FAM83G: variants seen among roughly 807,000 people sequenced by gnomAD.
FAM83G encodes protein FAM83G.
A neutral mutation model predicts 61.5 loss-of-function variants in FAM83G; 38 were observed. The ratio of observed to expected loss-of-function variants is 0.62; its 90% confidence interval spans 0.48 to 0.81. FAM83G has a LOEUF of 0.81. Ranked by LOEUF, FAM83G falls within the 30% of genes least tolerant of loss-of-function variation. The probability of loss-of-function intolerance (pLI) is 0.00; values close to 1 mark genes in which losing one functional copy is unlikely to be tolerated. For missense variants in FAM83G, 989 were observed against 1,133.6 expected (o/e 0.87, Z 1.83); for synonymous variants, 470 against 476.1 (o/e 0.99, Z 0.17).
At position 18,969,345 on chromosome 17, in the gene FAM83G, G is replaced by T. The variant is rs1247876765; in HGVS notation, c.*2014C>A. On this transcript the variant is annotated 3_prime_UTR_variant, in exon 6 of 6. Transcript: ENST00000388995. ...GCAACCTTGCTTCCACTGGCAGGGG[G>T]CCTGGCTGCTGTAATCTACACGGAC... 1.7e-5 allele frequency: 27 copies of T among 1,613,108 alleles called. No individual in the cohort carries two copies. Among genetic ancestry groups the T allele is most frequent in the Non-Finnish European group, 2.2e-5 (26 of 1,179,906 alleles).
At chr17:19,001,573 TAGAC>T (rs1473839085) in intron 2 of FAM83G, among the ~76,000 whole-genome samples, 1 of 152,236 alleles carries the variant, frequency 6.6e-6, no homozygotes. Flanking sequence ...TATGTCACCT[TAGAC>T]AGGTGACAGC....
Position 18,971,117 on chromosome 17 carries a change from G to A in FAM83G, c.*242C>T, listed in dbSNP as rs142677221. 6.8e-6 allele frequency: 11 copies of A among 1,613,938 alleles called. No homozygotes were observed. Among genetic ancestry groups the A allele is most frequent in the African/African-American group, 1.3e-5 (1 of 74,924 alleles). ...CACCTGCCACCTGCCACGTACAGAC[G>A]CCATGCACATGTTTCGAGACCCCCA... On this transcript the variant is annotated 3_prime_UTR_variant, in exon 6 of 6. Coordinates refer to ENST00000388995, the MANE Select transcript of FAM83G (RefSeq NM_001039999.3). This position sits in a 1 kb window ranked among gnomAD's most constrained non-coding sequence, Gnocchi z 5.5.
At chr17:18,991,839 C>T (rs991717787) in intron 2 of FAM83G, among the ~76,000 whole-genome samples, 4 of 152,326 alleles carry the variant, frequency 2.6e-5, no homozygotes, top group East Asian at 1.9e-4. Context: ...CTCTGCTGGG[C>T]GGCCTTGAGG....
chr17:18,991,514 G>A (rs1323910492), intron 2 of FAM83G, among the ~76,000 whole-genome samples: 3 of 152,158 alleles, frequency 2.0e-5, no homozygotes, highest in African/African-American at 7.2e-5. Flanking sequence ...GAAATGAGAG[G>A]GGAGGCTGAC....
In FAM83G at chr17:19,003,973, AG is replaced by A. The variant is rs753094870; in HGVS notation, c.68del (p.Pro23LeufsTer122). 1 of 1,612,706 alleles carries A rather than the reference AG, an allele frequency of 6.2e-7. No homozygotes were observed. On this transcript the variant is annotated frameshift_variant, in exon 2 of 6. Transcript: ENST00000388995. LOFTEE classifies it high-confidence loss of function. The surrounding 1 kb of genome is among the most constrained non-coding windows in gnomAD (Gnocchi z 4.5). ...GCTGCTCCTCGCTGTAGAAGAACTC[AG>A]GCTTGGACTCGCTGGAGCGCCAGTT... Reference protein sequence around the residue: ...HVNWRSSESKPEFFYSEEQRL... With the variant: ...HVNWRSSESKXEFFYSEEQRL...
chr17:19,000,194 C>T lies in FAM83G; in HGVS notation c.522+3326G>A, dbSNP rs148934693. On this transcript the variant is annotated intron_variant, in intron 2 of 5. Transcript: ENST00000388995. The surrounding 1 kb of genome is among the most constrained non-coding windows in gnomAD (Gnocchi z 5.2). ...AGGGGAGGGGCAGGCAGTTGACCTTCCATCTTGGAGTAGGAGCCCACTAGG... is the reference window on the plus strand; with the variant it reads ...AGGGGAGGGGCAGGCAGTTGACCTTTCATCTTGGAGTAGGAGCCCACTAGG... Among the ~76,000 whole-genome samples, 9 of 152,296 alleles carry T rather than the reference C, an allele frequency of 5.9e-5. No homozygotes were observed. The East Asian group carries it at 1.7e-3, about 29-fold the overall frequency.
chr17:18,993,273 T>C lies in FAM83G; in HGVS notation c.523-4859A>G, dbSNP rs370100795. Among the ~76,000 whole-genome samples the C allele has an allele frequency of 2.6e-5, 4 of 152,308 alleles. No individual in the cohort carries two copies. In the East Asian group the frequency reaches 7.7e-4, roughly 29 times the overall value. Reference sequence around the variant, plus strand: ...CTCCTTGCCACCTGCCCATTTTGCATCTGCTCGGACAACTACCTTTTTTCA... The same window carrying C: ...CTCCTTGCCACCTGCCCATTTTGCACCTGCTCGGACAACTACCTTTTTTCA... On this transcript the variant is annotated intron_variant, in intron 2 of 5. Coordinates refer to ENST00000388995, the MANE Select transcript of FAM83G (RefSeq NM_001039999.3).
intron 3 of FAM83G, among the ~76,000 whole-genome samples, chr17:18,984,528 T>G (rs2043219631): frequency 6.6e-6 from 1 of 152,174 alleles, no homozygotes; most frequent in Non-Finnish European, 1.5e-5. Context: ...ACCGTGTGCC[T>G]TCCCATGGCC....
chr17:18,994,724 A>G (rs1380329226), intron 2 of FAM83G, among the ~76,000 whole-genome samples: 1 of 152,212 alleles, frequency 6.6e-6, no homozygotes, highest in East Asian at 1.9e-4. Flanking sequence ...GTTGACAAAT[A>G]AGTCCTAGAC....
intron 3 of FAM83G, among the ~76,000 whole-genome samples, chr17:18,980,798 T>C (rs890103913): frequency 3.3e-5 from 5 of 152,222 alleles, no homozygotes; most frequent in Admixed American, 6.5e-5. Context: ...GTGTAAGAAA[T>C]GCTCCTGGGT....
rs200439128 is a variant in FAM83G, at chr17:18,988,351, C to T, written c.586G>A (p.Gly196Ser). The stretch of plus-strand genomic sequence containing the variant: ...TACACGGCCACTTTCCTCTTGAAGC[C>T]GGCGTCCAGCAGGTCCTTGAAGATG... ...VDIFKDLLDAGFKRKVAVYII... is the reference protein window; with the variant it reads ...VDIFKDLLDASFKRKVAVYII... Residue 196 changes from glycine (G) to serine (S), a missense_variant, in exon 3 of 6, where the codon GGC (glycine) becomes AGC (serine). Transcript: ENST00000388995. 39 of 1,614,204 alleles carry T rather than the reference C, an allele frequency of 2.4e-5. No individual in the cohort carries two copies. In the African/African-American group the frequency reaches 3.7e-4, roughly 15 times the overall value.
intron 5 of FAM83G, chr17:18,976,727 T>C (rs2042989165): frequency 2.3e-6 from 3 of 1,279,596 alleles, no homozygotes; most frequent in Non-Finnish European, 3.2e-6. Context: ...GTGGCTGTTT[T>C]GGGCAGGTCA....
rs1379813755 is a variant in FAM83G at position 18,996,125 on chromosome 17, A to G, written c.522+7395T>C. Among the ~76,000 whole-genome samples, 1 of 148,038 alleles carries G rather than the reference A, an allele frequency of 6.8e-6. No homozygotes were observed. The highest frequency in any genetic ancestry group is 1.5e-5 in the Non-Finnish European group (1 of 67,484). On this transcript the variant is annotated intron_variant, in intron 2 of 5. Coordinates refer to ENST00000388995, the MANE Select transcript of FAM83G (RefSeq NM_001039999.3). The surrounding 1 kb of genome is among the most constrained non-coding windows in gnomAD (Gnocchi z 4.4). Reference sequence around the variant, plus strand: ...ACAAGACAACAGGCAATATCTTTAAAGTACTAAATGGAAAAAAAAAAAAAT... The same window carrying G: ...ACAAGACAACAGGCAATATCTTTAAGGTACTAAATGGAAAAAAAAAAAAAT...
At chr17:18,974,028 G>A (rs756058758) in intron 5 of FAM83G, among the ~76,000 whole-genome samples, 1 of 152,066 alleles carries the variant, frequency 6.6e-6, no homozygotes, top group Non-Finnish European at 1.5e-5. Flanking sequence ...AAGTAGTTGG[G>A]ATTACAAGCG....
chr17:19,004,858 T>A (rs2043839197), upstream of FAM83G: 1 of 151,762 alleles, frequency 6.6e-6, no homozygotes, highest in Admixed American at 6.6e-5. This position sits in a 1 kb window ranked among gnomAD's most constrained non-coding sequence, Gnocchi z 5.4. Flanking sequence ...GGCCGGAAGC[T>A]GATTCACCCC....
chr17:19,004,080 G>T lies in FAM83G; in HGVS notation c.-39C>A. ...CGGGCACTGCTGCCGGGGGTGGGTG[G>T]GCAAGGTCCAGCTCCTAGCTCCGGC... On this transcript the variant is annotated 5_prime_UTR_variant, in exon 2 of 6. Transcript: ENST00000388995. The surrounding 1 kb of genome is among the most constrained non-coding windows in gnomAD (Gnocchi z 5.4). 1 of 1,549,092 alleles carries T rather than the reference G, an allele frequency of 6.5e-7. No homozygotes were observed. Among genetic ancestry groups the T allele is most frequent in the South Asian group, 1.2e-5 (1 of 80,678 alleles).
chr17:18,978,651 TG>T lies in FAM83G; in HGVS notation c.1014del (p.Thr339LeufsTer38), dbSNP rs1292880060. The T allele has an allele frequency of 6.2e-7, 1 of 1,613,008 alleles. No homozygotes were observed. Among genetic ancestry groups the T allele is most frequent in the Non-Finnish European group, 8.5e-7 (1 of 1,179,992 alleles). ...GGGTTGACGAGCTTCTTGGCCACAG[TG>T]CCCGCGGGCACCAGGGGGACCACAG... ...LPSVVPLVPAGTVAKKLVNPK... is the reference protein window; with the variant it reads ...LPSVVPLVPAXTVAKKLVNPK... On this transcript the variant is annotated frameshift_variant, in exon 5 of 6. Transcript: ENST00000388995. LOFTEE classifies it high-confidence loss of function.
chr17:18,995,456 C>T (rs561227499), intron 2 of FAM83G, among the ~76,000 whole-genome samples: 129 of 152,268 alleles, frequency 8.5e-4, no homozygotes, highest in African/African-American at 3.1e-3. Context: ...ACTGAAAGAA[C>T]ATGAACACAG....
intron 2 of FAM83G, among the ~76,000 whole-genome samples, chr17:18,991,992 CT>C (rs1460825165): frequency 6.6e-6 from 1 of 152,150 alleles, no homozygotes; most frequent in Non-Finnish European, 1.5e-5. Flanking sequence ...GCAGGCTGCA[CT>C]GGAGGGAAAC....
Sources: allele counts gnomAD v4.1 joint callset (sites outside exome capture counted in the v4.1 genomes callset), GRCh38; gene constraint gnomAD v4.1.1; non-coding constraint Gnocchi (gnomAD v3.1); transcripts MANE v1.5; gene names NCBI Gene and HGNC (gene_info 2026-07-23, HGNC 2026-07-21).